Variants in PARD3 observed in about 807,000 individuals in gnomAD.
PARD3 encodes partitioning defective 3 homolog.
A neutral mutation model predicts 155.4 loss-of-function variants in PARD3; 75 were observed. The ratio of observed to expected loss-of-function variants is 0.48; its 90% CI spans 0.40 to 0.58. The LOEUF is 0.58. PARD3 is among the 20% of genes least tolerant of loss of function. PARD3 has a pLI of 0.00. For synonymous variants in PARD3, 576 were observed against 610.5 expected (o/e 0.94, Z 0.83); for missense variants, 1,642 against 1,721.7 (o/e 0.95, Z 0.82).
At chr10:34,371,715 T>C (rs1322790503) in intron 12 of PARD3, among the ~76,000 whole-genome samples, 1 of 152,044 alleles carries the variant, frequency 6.6e-6, no homozygotes, top group African/African-American at 2.4e-5. Flanking sequence ...CTTTGCTAAA[T>C]TTTCCATTTA....
chr10:34,429,389 C>CTT (rs75681687), intron 5 of PARD3, among the ~76,000 whole-genome samples: 2 of 139,160 alleles, frequency 1.4e-5, no homozygotes, highest in Non-Finnish European at 1.6e-5. Context: ...AAATAAAAAT[C>CTT]TTTTTTTTTT....
intron 2 of PARD3, among the ~76,000 whole-genome samples, chr10:34,663,379 T>A (rs917503759): frequency 2.6e-5 from 4 of 152,006 alleles, no homozygotes; most frequent in Non-Finnish European, 4.4e-5. Context: ...GGCAGGAGAA[T>A]TGCTTGAACT....
intron 22 of PARD3, among the ~76,000 whole-genome samples, chr10:34,156,491 T>C (rs1946931): frequency 0.069 from 10,453 of 152,212 alleles, 667 homozygotes; most frequent in African/African-American, 0.17. Context: ...AGACGGCTCA[T>C]GGTCAAACTA....
intron 2 of PARD3, among the ~76,000 whole-genome samples, chr10:34,688,414 C>G (rs986567428): frequency 6.6e-6 from 1 of 152,146 alleles, no homozygotes; most frequent in Non-Finnish European, 1.5e-5. Flanking sequence ...GGAAAGTTCA[C>G]GTACACAAAC....
At chr10:34,348,538 T>TA (rs1837667749) in intron 14 of PARD3, among the ~76,000 whole-genome samples, 1 of 152,234 alleles carries the variant, frequency 6.6e-6, no homozygotes, top group Non-Finnish European at 1.5e-5. Flanking sequence ...GTCTTAAACT[T>TA]ATGGTATGTA....
chr10:34,416,049 G>A (rs182688785), intron 5 of PARD3, among the ~76,000 whole-genome samples: 1 of 152,264 alleles, frequency 6.6e-6, no homozygotes, highest in Admixed American at 6.5e-5. Flanking sequence ...GCTCAGAGTA[G>A]TTAGGTAATC....
intron 22 of PARD3, among the ~76,000 whole-genome samples, chr10:34,236,580 A>G (rs1953247550): frequency 6.6e-6 from 1 of 152,146 alleles, no homozygotes; most frequent in Non-Finnish European, 1.5e-5. Context: ...CCTGTTTGGT[A>G]TTATGGAAAA....
chr10:34,600,858 C>G (rs2089699001), intron 2 of PARD3, among the ~76,000 whole-genome samples: 2 of 151,854 alleles, frequency 1.3e-5, no homozygotes, highest in African/African-American at 2.4e-5. Flanking sequence ...ACCATCACGG[C>G]TTACTGCAGG....
intron 3 of PARD3, among the ~76,000 whole-genome samples, chr10:34,493,725 T>G (rs2080076373): frequency 6.7e-6 from 1 of 149,014 alleles, no homozygotes; most frequent in South Asian, 2.1e-4. Flanking sequence ...AAAGCGAAAC[T>G]CTGTCTCAAA....
At chr10:34,766,142 T>C (rs1331235054) in intron 1 of PARD3, among the ~76,000 whole-genome samples, 1 of 152,204 alleles carries the variant, frequency 6.6e-6, no homozygotes. Context: ...ACCAAGTCAA[T>C]CAACACGTTG....
Position 34,321,419 on chromosome 10 carries a change from A to G in PARD3, c.2834-4081T>C, listed in dbSNP as rs77236669. Among the ~76,000 whole-genome samples the G allele has an allele frequency of 1.1e-4, 17 of 152,252 alleles. No homozygotes were observed. In the East Asian group the frequency reaches 2.9e-3, roughly 26 times the overall value. ...TCTTTAATTTTGCTCATTTTGACAGACTATTTGCTTTCCTTTTGCAGATAC... is the reference window on the plus strand; with the variant it reads ...TCTTTAATTTTGCTCATTTTGACAGGCTATTTGCTTTCCTTTTGCAGATAC... On this transcript the variant is annotated intron_variant, in intron 19 of 24. Transcript: ENST00000374788.
chr10:34,245,575 T>C (rs903112701), intron 22 of PARD3, among the ~76,000 whole-genome samples: 2 of 100,426 alleles, frequency 2.0e-5, no homozygotes, highest in Non-Finnish European at 3.8e-5. Flanking sequence ...AATACATCCC[T>C]GAAACAAAAC....
rs1185067110 is a variant in PARD3 at position 34,120,004 on chromosome 10, ATTTTTTTTTTTTT to A, written c.3541-277_3541-265del. On this transcript the variant is annotated intron_variant, in intron 23 of 24. Coordinates refer to ENST00000374788, the MANE Select transcript of PARD3 (RefSeq NM_001184785.2). ...AGATCAAACTTTCTAGTCTTCTTTA[ATTTTTTTTTTTTT>A]TTTTTTTTTTTTTTTTAGAGATGGG... is the stretch of plus-strand genomic sequence containing the variant. Among the ~76,000 whole-genome samples, 9 of 73,824 alleles carry A rather than the reference ATTTTTTTTTTTTT, an allele frequency of 1.2e-4. No homozygotes were observed. The South Asian group carries it at 3.4e-3, about 28-fold the overall frequency. The allele number at this position is 73,824 out of a possible 152,430, so 48.4% of individuals were successfully genotyped here.
Position 34,744,938 on chromosome 10 carries a change from C to G in PARD3, c.121-48519G>C, listed in dbSNP as rs147029671. Among the ~76,000 whole-genome samples the G allele has an allele frequency of 9.3e-4, 142 of 152,278 alleles. 1 individual carries two copies. Among genetic ancestry groups the G allele is most frequent in the African/African-American group, 3.3e-3 (136 of 41,540 alleles). On this transcript the variant is annotated intron_variant, in intron 1 of 24. Coordinates refer to ENST00000374788, the MANE Select transcript of PARD3 (RefSeq NM_001184785.2). ...GGAAGTGGGTGCACACCCAGGAGCTCGGGCAACTAGGACCCTCTGCATCCT... is the reference window on the plus strand; with the variant it reads ...GGAAGTGGGTGCACACCCAGGAGCTGGGGCAACTAGGACCCTCTGCATCCT...
At chr10:34,534,292 T>C (rs1445516938) in intron 2 of PARD3, among the ~76,000 whole-genome samples, 1 of 148,182 alleles carries the variant, frequency 6.7e-6, no homozygotes. Context: ...CCAGAAGGAA[T>C]GTGAATGCTG....
intron 2 of PARD3, among the ~76,000 whole-genome samples, chr10:34,531,484 A>G (rs988268426): frequency 6.6e-6 from 1 of 152,156 alleles, no homozygotes; most frequent in Non-Finnish European, 1.5e-5. Context: ...TTCTCAAATC[A>G]TATTAGTCAA....
At chr10:34,667,572 A>G (rs1263322323) in intron 2 of PARD3, among the ~76,000 whole-genome samples, 1 of 152,232 alleles carries the variant, frequency 6.6e-6, no homozygotes, top group Admixed American at 6.5e-5. Flanking sequence ...TTGGCACTGA[A>G]AAATGCCTAA....
intron 4 of PARD3, among the ~76,000 whole-genome samples, chr10:34,466,770 C>T (rs1187551463): frequency 1.3e-5 from 2 of 151,994 alleles, no homozygotes; most frequent in African/African-American, 4.8e-5. Context: ...TGCTTTCCTT[C>T]CTTCTGAATA....
chr10:34,325,583 A>G (rs1044732381), intron 19 of PARD3, among the ~76,000 whole-genome samples: 1 of 150,532 alleles, frequency 6.6e-6, no homozygotes, highest in African/African-American at 2.5e-5. Context: ...ACTGAACCAC[A>G]CTCCTTATCA....
Sources: gnomAD v4.1 joint callset for allele counts (sites outside exome capture counted in the v4.1 genomes callset) on GRCh38, gnomAD v4.1.1 for gene constraint, MANE v1.5 for transcripts, NCBI Gene and HGNC (gene_info 2026-07-23, HGNC 2026-07-21) for gene names.